The following NRXN3 variants were observed in gnomAD, a reference collection of about 807,000 sequenced individuals.
NRXN3 encodes the protein neurexin III.
Under a neutral mutation model 137.6 loss-of-function variants are expected in NRXN3, and 32 were observed. The ratio of observed to expected loss-of-function variants is 0.23; its 90% confidence interval spans 0.18 to 0.31. The LOEUF (loss-of-function observed/expected upper bound fraction) is 0.31. Among genes scored for constraint, NRXN3 ranks in the 10% least tolerant of loss-of-function variants. The pLI is 1.00. For missense variants in NRXN3, 1,574 were observed against 2,062.5 expected (o/e 0.76, Z 4.59); for synonymous variants, 798 against 784.5 (o/e 1.02, Z -0.29).
intron 4 of NRXN3, among the ~76,000 whole-genome samples, chr14:78,627,803 T>A (rs1456097086): frequency 2.6e-5 from 4 of 152,226 alleles, no homozygotes; most frequent in Non-Finnish European, 4.4e-5. Flanking sequence ...TTTTCATAGA[T>A]AATATCTAGA....
At chr14:79,759,420 G>A (rs2099030789) in intron 19 of NRXN3, among the ~76,000 whole-genome samples, 1 of 151,014 alleles carries the variant, frequency 6.6e-6, no homozygotes, top group Non-Finnish European at 1.5e-5. Context: ...TTCAGTTATT[G>A]GTCCTAGGAG....
At chr14:78,573,429 C>A (rs1446589842) in intron 4 of NRXN3, among the ~76,000 whole-genome samples, 1 of 152,154 alleles carries the variant, frequency 6.6e-6, no homozygotes, top group Non-Finnish European at 1.5e-5. Flanking sequence ...TGGCTTTGAC[C>A]AGAATGCTAA....
At chr14:79,624,800 TTTGTTTG>T (rs2098264988) in intron 16 of NRXN3, among the ~76,000 whole-genome samples, 3 of 132,760 alleles carry the variant, frequency 2.3e-5, no homozygotes, top group Admixed American at 7.1e-5. Context: ...CGTTTTTTTT[TTTGTTTG>T]TTTTTGTTTT....
At chr14:78,685,794 G>T (rs914056397) in intron 6 of NRXN3, among the ~76,000 whole-genome samples, 1 of 149,926 alleles carries the variant, frequency 6.7e-6, no homozygotes, top group South Asian at 2.1e-4. Context: ...CACCATGTCA[G>T]CTAATGTTTT....
At chr14:79,623,756 C>G (rs2098249631) in intron 16 of NRXN3, among the ~76,000 whole-genome samples, 1 of 151,354 alleles carries the variant, frequency 6.6e-6, no homozygotes, top group African/African-American at 2.4e-5. Flanking sequence ...TTGACTCCCT[C>G]AAAGAGGGAA....
intron 4 of NRXN3, among the ~76,000 whole-genome samples, chr14:78,387,773 G>A (rs2090183241): frequency 6.6e-6 from 1 of 152,182 alleles, no homozygotes; most frequent in South Asian, 2.1e-4. Context: ...GCAGGCGAGT[G>A]ACTGCCTTCT....
intron 2 of NRXN3, among the ~76,000 whole-genome samples, chr14:78,248,306 C>A (rs2068017532): frequency 2.9e-5 from 1 of 34,810 alleles, no homozygotes; most frequent in Non-Finnish European, 7.6e-5. Flanking sequence ...CCCCCCGCCC[C>A]CCCCCCCCCC....
At chr14:78,616,919 G>T (rs1421544064) in intron 4 of NRXN3, among the ~76,000 whole-genome samples, 1 of 152,196 alleles carries the variant, frequency 6.6e-6, no homozygotes, top group African/African-American at 2.4e-5. Context: ...AGTTCTCCAT[G>T]TGTTTGTAAT....
At chr14:79,249,578 G>T (rs922436923) in intron 15 of NRXN3, among the ~76,000 whole-genome samples, 2 of 152,108 alleles carry the variant, frequency 1.3e-5, no homozygotes, top group Non-Finnish European at 2.9e-5. Flanking sequence ...GAGGCAACTC[G>T]GTTATCACTT....
chr14:79,492,420 T>C (rs2096726145), intron 16 of NRXN3, among the ~76,000 whole-genome samples: 1 of 152,102 alleles, frequency 6.6e-6, no homozygotes, highest in Non-Finnish European at 1.5e-5. Flanking sequence ...TCTCACTCTG[T>C]TGCCCAGGCT....
intron 15 of NRXN3, among the ~76,000 whole-genome samples, chr14:79,448,346 T>C (rs1013025513): frequency 2.6e-5 from 4 of 152,194 alleles, no homozygotes; most frequent in African/African-American, 7.2e-5. Context: ...CTACCCCTTG[T>C]CATGCTTTTA....
At chr14:79,544,187 A>G (rs985009536) in intron 16 of NRXN3, among the ~76,000 whole-genome samples, 2 of 152,248 alleles carry the variant, frequency 1.3e-5, no homozygotes, top group Non-Finnish European at 2.9e-5. Flanking sequence ...CGATTCTGTC[A>G]GTAACTAAGT....
Position 78,926,936 on chromosome 14 carries a change from A to ATAATATATAATATATT in NRXN3, c.2276-30304_2276-30303insATATATAATATATTTA, listed in dbSNP as rs2099304595. On this transcript the variant is annotated intron_variant, in intron 10 of 20. Coordinates refer to ENST00000335750, the MANE Select transcript of NRXN3 (RefSeq NM_001330195.2). ...TATATATATAATATATAATATATTT[A>ATAATATATAATATATT]TATATATATATAATATATATAATAT... Among the ~76,000 whole-genome samples, 5 of 31,810 alleles carry ATAATATATAATATATT rather than the reference A, an allele frequency of 1.6e-4. 1 individual carries two copies. Among genetic ancestry groups the ATAATATATAATATATT allele is most frequent in the Admixed American group, 1.0e-3 (2 of 1,942 alleles). The allele number at this position is 31,810 out of a possible 152,430, so 20.9% of individuals were successfully genotyped here.
chr14:79,468,643 G>T (rs185941258), intron 16 of NRXN3, among the ~76,000 whole-genome samples: 1 of 152,300 alleles, frequency 6.6e-6, no homozygotes, highest in Non-Finnish European at 1.5e-5. Context: ...TGGCTGGCCG[G>T]AATCATGCAT....
intron 8 of NRXN3, among the ~76,000 whole-genome samples, chr14:78,784,973 A>T (rs1359313078): frequency 6.6e-6 from 1 of 152,174 alleles, no homozygotes; most frequent in Non-Finnish European, 1.5e-5. Context: ...TGGAGATAAG[A>T]CCAGGGGCTC....
intron 6 of NRXN3, among the ~76,000 whole-genome samples, chr14:78,664,558 CTT>C (rs1194595983): frequency 1.3e-5 from 2 of 152,192 alleles, no homozygotes; most frequent in African/African-American, 4.8e-5. Flanking sequence ...CATGGTTACT[CTT>C]TAACCCTCTA....
intron 15 of NRXN3, among the ~76,000 whole-genome samples, chr14:79,308,933 ATT>A (rs1171159581): frequency 2.5e-5 from 3 of 118,298 alleles, no homozygotes; most frequent in African/African-American, 9.7e-5. Flanking sequence ...TTATTTTTTA[ATT>A]TTTTTTTTAT....
intron 15 of NRXN3, among the ~76,000 whole-genome samples, chr14:79,455,762 G>GT (rs1040557575): frequency 1.1e-4 from 16 of 151,360 alleles, no homozygotes; most frequent in South Asian, 2.1e-4. Context: ...TTTTATTTCT[G>GT]TTTTTTTAGA....
chr14:78,201,340 G>A (rs1042358334), intron 1 of NRXN3, among the ~76,000 whole-genome samples: 5 of 152,168 alleles, frequency 3.3e-5, no homozygotes, highest in Admixed American at 6.5e-5. Flanking sequence ...CTCTACAAAA[G>A]GGCAGGCCCC....
Sources: allele counts gnomAD v4.1 joint callset (sites outside exome capture counted in the v4.1 genomes callset), GRCh38; gene constraint gnomAD v4.1.1; transcripts MANE v1.5; gene names NCBI Gene and HGNC (gene_info 2026-07-23, HGNC 2026-07-21).